Variants in KHDRBS2 observed in about 807,000 individuals in gnomAD.
KHDRBS2 encodes KH RNA binding domain containing, signal transduction associated 2, also known as KH domain-containing, RNA-binding, signal transduction-associated protein 2.
In KHDRBS2, 26 loss-of-function variants were observed where a neutral mutation model predicts 44.3. The ratio of observed to expected loss-of-function variants is 0.59; its 90% CI spans 0.43 to 0.81. The LOEUF (loss-of-function observed/expected upper bound fraction) is 0.81, where lower values mean the gene tolerates loss of function less well. Among genes scored for constraint, KHDRBS2 ranks in the 40% least tolerant of loss-of-function variants. The pLI is 0.00. For missense variants in KHDRBS2, 476 were observed against 433.1 expected (o/e 1.10, Z -0.88); for synonymous variants, 194 against 151.1 (o/e 1.28, Z -2.08).
intron 6 of KHDRBS2, among the ~76,000 whole-genome samples, chr6:61,862,141 G>A (rs762640568): frequency 6.6e-6 from 1 of 151,992 alleles, no homozygotes; most frequent in Non-Finnish European, 1.5e-5. Context: ...GGATTTTGTA[G>A]ATAAAGGAAA....
intron 7 of KHDRBS2, among the ~76,000 whole-genome samples, chr6:61,706,802 G>A (rs1769641154): frequency 6.6e-6 from 1 of 151,766 alleles, no homozygotes; most frequent in African/African-American, 2.4e-5. Flanking sequence ...CTCAGTTTAT[G>A]TGACAAAATT....
chr6:61,901,192 C>T (rs375795935), intron 5 of KHDRBS2, 52 bp downstream of exon 5: 27 of 1,581,926 alleles, frequency 1.7e-5, no homozygotes, highest in African/African-American at 6.8e-5. Context: ...TAAAGCAGGA[C>T]AAAAAAGGCC....
At chr6:62,124,586 T>TAC (rs57845781) in intron 2 of KHDRBS2, among the ~76,000 whole-genome samples, 7,738 of 145,028 alleles carry the variant, frequency 0.053, 234 homozygotes, top group African/African-American at 0.081. Flanking sequence ...TGAACTATAC[T>TAC]ACACACACAC....
chr6:62,042,277 T>C (rs1238918041), intron 3 of KHDRBS2, among the ~76,000 whole-genome samples: 4 of 152,132 alleles, frequency 2.6e-5, no homozygotes, highest in Admixed American at 2.0e-4. Context: ...ACTCTGCTTA[T>C]GTTTCACAAA....
At chr6:61,550,508 A>G in the KHDRBS2 span, among the ~76,000 whole-genome samples, 1 of 152,142 alleles carries the variant, frequency 6.6e-6, no homozygotes, top group African/African-American at 2.4e-5. Flanking sequence ...ATATGAGTGC[A>G]TGTGTCTTTA....
chr6:62,053,746 TCTA>T (rs1418054630), intron 2 of KHDRBS2, among the ~76,000 whole-genome samples: 4 of 151,860 alleles, frequency 2.6e-5, no homozygotes, highest in Non-Finnish European at 5.9e-5. Context: ...ACTCAAACAA[TCTA>T]CTAAGACAGA....
chr6:61,568,476 A>G, the KHDRBS2 span, among the ~76,000 whole-genome samples: 1 of 152,194 alleles, frequency 6.6e-6, no homozygotes, highest in African/African-American at 2.4e-5. Flanking sequence ...GACTCACAGT[A>G]TGAACTTTTG....
At chr6:62,009,666 G>A (rs1353127078) in intron 3 of KHDRBS2, among the ~76,000 whole-genome samples, 1 of 152,152 alleles carries the variant, frequency 6.6e-6, no homozygotes, top group Non-Finnish European at 1.5e-5. Flanking sequence ...GAGACTTGTT[G>A]CCCTGTGTCC....
intron 1 of KHDRBS2, among the ~76,000 whole-genome samples, chr6:62,180,114 A>G (rs1362342805): frequency 6.6e-6 from 1 of 151,848 alleles, no homozygotes; most frequent in Non-Finnish European, 1.5e-5. Context: ...AAAACCAAAC[A>G]CTACATGTTC....
chr6:61,738,048 C>A (rs1775641612), intron 6 of KHDRBS2, among the ~76,000 whole-genome samples: 1 of 151,828 alleles, frequency 6.6e-6, no homozygotes, highest in Non-Finnish European at 1.5e-5. Context: ...CATAAAAGAT[C>A]AAAAATTCTG....
chr6:62,271,157 G>A (rs936172488), intron 1 of KHDRBS2, among the ~76,000 whole-genome samples: 3 of 152,088 alleles, frequency 2.0e-5, no homozygotes, highest in African/African-American at 7.2e-5. Context: ...GTATGCGTAT[G>A]TATGAATAAA....
intron 1 of KHDRBS2, among the ~76,000 whole-genome samples, chr6:62,256,720 A>G (rs1487621636): frequency 1.3e-5 from 2 of 152,096 alleles, no homozygotes; most frequent in East Asian, 3.9e-4. Flanking sequence ...GAGGGGCAGC[A>G]TTGTTACTCC....
chr6:61,669,644 C>T, the KHDRBS2 span, among the ~76,000 whole-genome samples: 3,698 of 150,832 alleles, frequency 0.025, 72 homozygotes, highest in Middle Eastern at 0.078. Context: ...AAATAACTAA[C>T]TTGGGGAAGA....
At chr6:61,903,058 T>C (rs1264937536) in intron 4 of KHDRBS2, among the ~76,000 whole-genome samples, 7 of 152,188 alleles carry the variant, frequency 4.6e-5, no homozygotes, top group Non-Finnish European at 1.0e-4. Context: ...AGTAGAAAAT[T>C]ATAGTTTCTA....
At chr6:62,106,557 G>A (rs945481295) in intron 2 of KHDRBS2, among the ~76,000 whole-genome samples, 3 of 151,996 alleles carry the variant, frequency 2.0e-5, no homozygotes, top group African/African-American at 7.2e-5. Flanking sequence ...CTTTCCTTCT[G>A]AAACTATTCC....
chr6:62,086,176 A>C (rs1798344347), intron 2 of KHDRBS2, among the ~76,000 whole-genome samples: 1 of 152,154 alleles, frequency 6.6e-6, no homozygotes, highest in South Asian at 2.1e-4. Context: ...AAGGGTAAAG[A>C]AGCATGAAAT....
downstream of KHDRBS2, among the ~76,000 whole-genome samples, chr6:61,676,804 G>A (rs1765971620): frequency 6.6e-6 from 1 of 151,792 alleles, no homozygotes. Flanking sequence ...AAGTGACACA[G>A]TGTATAGAAC....
chr6:62,202,066 G>C (rs1384237435), intron 1 of KHDRBS2, among the ~76,000 whole-genome samples: 1 of 152,020 alleles, frequency 6.6e-6, no homozygotes, highest in Non-Finnish European at 1.5e-5. Context: ...TATAATACGT[G>C]AAAATAATCT....
intron 2 of KHDRBS2, among the ~76,000 whole-genome samples, chr6:62,108,815 A>G (rs1391679216): frequency 2.0e-5 from 3 of 152,160 alleles, no homozygotes; most frequent in African/African-American, 7.2e-5. Context: ...ATGAAATTAG[A>G]AATCATCAGT....
Sources: allele counts gnomAD v4.1 joint callset (sites outside exome capture counted in the v4.1 genomes callset), GRCh38; gene constraint gnomAD v4.1.1; transcripts MANE v1.5; gene names NCBI Gene and HGNC (gene_info 2026-07-23, HGNC 2026-07-21).